The following IARS1 variants were observed in gnomAD, a reference collection of about 807,000 sequenced individuals.
IARS1 encodes isoleucyl-tRNA synthetase 1.
Under a neutral mutation model 168.2 loss-of-function variants are expected in IARS1, and 124 were observed. The observed-to-expected ratio is 0.74, with a 90% CI of 0.64 to 0.86. The LOEUF (loss-of-function observed/expected upper bound fraction) is 0.86, where lower values mean the gene tolerates loss of function less well. Ranked by LOEUF, IARS1 falls within the 40% of genes least tolerant of loss-of-function variation. The pLI is 0.00. For synonymous variants in IARS1, 532 were observed against 529.4 expected, an observed-to-expected ratio of 1.00 and a Z score of -0.07; for missense variants, 1,452 against 1,515.8, an observed-to-expected ratio of 0.96 and a Z score of 0.70.
chr9:92,229,912 C>G (rs996355671), intron 30 of IARS1, among the ~76,000 whole-genome samples: 5 of 152,158 alleles, frequency 3.3e-5, no homozygotes, highest in African/African-American at 1.2e-4. Flanking sequence ...CATTAAGATA[C>G]AGAGTAGTTC....
intron 33 of IARS1, 139 bp from the exon 34 acceptor site, chr9:92,211,028 G>A (rs1249961960): frequency 3.2e-6 from 2 of 621,010 alleles, no homozygotes; most frequent in Non-Finnish European, 5.8e-6. Flanking sequence ...AGCTCCTGAG[G>A]TGAACCTCTA....
chr9:92,268,396 G>A (rs1161543622), intron 13 of IARS1, 96 bp from the exon 14 acceptor site: 3 of 1,238,864 alleles, frequency 2.4e-6, no homozygotes, highest in African/African-American at 1.5e-5. Context: ...ACGCTTTGTG[G>A]ACCAAACACT....
chr9:92,216,174 G>A (rs1253532344), intron 33 of IARS1, among the ~76,000 whole-genome samples: 1 of 150,858 alleles, frequency 6.6e-6, no homozygotes, highest in South Asian at 2.1e-4. Context: ...GCCAAACTAA[G>A]CTTCATAAGA....
intron 8 of IARS1, 38 bp downstream of exon 8, chr9:92,278,161 C>G: frequency 1.6e-6 from 2 of 1,259,380 alleles, no homozygotes; most frequent in Non-Finnish European, 2.3e-6. Context: ...CATACAGACA[C>G]ATGCACACAA....
At chr9:92,280,163 A>C (rs1358558285) in intron 7 of IARS1, among the ~76,000 whole-genome samples, 1 of 152,234 alleles carries the variant, frequency 6.6e-6, no homozygotes, top group Non-Finnish European at 1.5e-5. Context: ...CTCAGAAGTG[A>C]AATTGCTGGG....
intron 30 of IARS1, among the ~76,000 whole-genome samples, chr9:92,235,036 C>T (rs1827279541): frequency 6.6e-6 from 1 of 152,168 alleles, no homozygotes; most frequent in Non-Finnish European, 1.5e-5. Flanking sequence ...AGGGTTTCAC[C>T]ATGTTGGCCG....
chr9:92,282,860 A>ATATAT (rs1230782830), intron 6 of IARS1, among the ~76,000 whole-genome samples: 3 of 132,856 alleles, frequency 2.3e-5, no homozygotes, highest in African/African-American at 8.7e-5. Context: ...ATATATATAT[A>ATATAT]TTTTTTTTTT....
intron 33 of IARS1, among the ~76,000 whole-genome samples, chr9:92,212,403 A>C (rs1837907801): frequency 6.6e-6 from 1 of 152,246 alleles, no homozygotes; most frequent in Admixed American, 6.5e-5. Flanking sequence ...CTCACCCACT[A>C]AACTTTTGCC....
intron 5 of IARS1, chr9:92,286,094 GC>G (rs1835409591): frequency 5.2e-6 from 2 of 383,392 alleles, no homozygotes; most frequent in Non-Finnish European, 9.6e-6. Flanking sequence ...CAGGCTGGGC[GC>G]AGTGGCTCAC....
rs527510549 is a variant in IARS1 at position 92,222,545 on chromosome 9, C to T, written c.3681G>A (p.Leu1227=). 25 of 1,613,864 alleles carry T rather than the reference C, an allele frequency of 1.5e-5. No individual in the cohort carries two copies. The highest frequency in any genetic ancestry group is 1.0e-4 in the Admixed American group (6 of 59,958). ...CCTGCGTTTGGGTCTCATTCAGAAA[C>T]AGCTTTAGCTTCCTGCTCCGAAGGC... ...VFGLRSRKLK[L]FLNETQTQEI... is the part of the protein sequence containing the mutation. The change falls in exon 33 of 34, where the codon CTG becomes CTA. Residue 1227 remains leucine (L), a synonymous_variant. Coordinates refer to ENST00000443024, the MANE Select transcript of IARS1 (RefSeq NM_002161.6).
Position 92,262,930 on chromosome 9 carries a change from G to T in IARS1, c.1787+39C>A, listed in dbSNP as rs751024064. 19 of 1,446,542 alleles carry T rather than the reference G, an allele frequency of 1.3e-5. No individual in the cohort carries two copies. The African/African-American group carries it at 2.7e-4, about 20-fold the overall frequency. The allele number at this position is 1,446,542 out of a possible 1,614,324, so 89.6% of individuals were successfully genotyped here. On this transcript the variant is annotated intron_variant, in intron 17 of 33. Coordinates refer to ENST00000443024, the MANE Select transcript of IARS1 (RefSeq NM_002161.6). ...GCACTCCTTCTTAAGAAACAGTGGA[G>T]ACAAAGTTCCACCCGTCACTACAAC... is the stretch of plus-strand genomic sequence containing the variant.
chr9:92,230,566 A>T (rs747392319), intron 30 of IARS1, among the ~76,000 whole-genome samples: 12 of 152,188 alleles, frequency 7.9e-5, no homozygotes, highest in Non-Finnish European at 1.8e-4. Context: ...TGGTGCTATT[A>T]TGAATATAAG....
chr9:92,241,205 A>G (rs1564166400), intron 29 of IARS1, among the ~76,000 whole-genome samples: 2 of 152,246 alleles, frequency 1.3e-5, no homozygotes, highest in African/African-American at 4.8e-5. Flanking sequence ...AATATGCAAA[A>G]TACAAAATGA....
At chr9:92,271,765 T>G in intron 10 of IARS1, 110 bp from the exon 11 acceptor site, 1 of 1,217,764 alleles carries the variant, frequency 8.2e-7, no homozygotes, top group South Asian at 1.4e-5. Context: ...ATACATTTCA[T>G]CAACTTTGTC....
chr9:92,286,039 GAT>G lies in IARS1; in HGVS notation c.480-202_480-201del, dbSNP rs1407456928. On this transcript the variant is annotated intron_variant, in intron 5 of 33. Coordinates refer to ENST00000443024, the MANE Select transcript of IARS1 (RefSeq NM_002161.6). ...AGACATTAAAATGCTAATATCTACT[GAT>G]ATCGAATGATATTTAACACATAATG... is the stretch of plus-strand genomic sequence containing the variant. 8.0e-6 allele frequency: 4 copies of G among 500,914 alleles called. No homozygotes were observed. In the Admixed American group the frequency reaches 1.3e-4, roughly 16 times the overall value. 31.0% of individuals were successfully genotyped at this position (500,914 alleles called of 1,614,324 possible).
intron 17 of IARS1, among the ~76,000 whole-genome samples, chr9:92,262,276 G>A (rs925670544): frequency 3.9e-5 from 6 of 152,058 alleles, no homozygotes; most frequent in Non-Finnish European, 5.9e-5. Flanking sequence ...ACACAGTGGG[G>A]CCTGGCAAAA....
intron 28 of IARS1, 28 bp downstream of exon 28, chr9:92,243,188 G>A: frequency 6.4e-7 from 1 of 1,563,002 alleles, no homozygotes; most frequent in South Asian, 1.1e-5. Flanking sequence ...AGCCAAAACA[G>A]TAGCTTATTC....
chr9:92,249,545 G>A (rs915973338), intron 25 of IARS1, among the ~76,000 whole-genome samples: 1 of 151,808 alleles, frequency 6.6e-6, no homozygotes, highest in Admixed American at 6.6e-5. Flanking sequence ...AGACTCTGTC[G>A]AAAGAAAAGA....
chr9:92,284,250 A>T (rs900747831), intron 6 of IARS1, among the ~76,000 whole-genome samples: 1 of 152,256 alleles, frequency 6.6e-6, no homozygotes, highest in Non-Finnish European at 1.5e-5. Flanking sequence ...TAACATGGCA[A>T]TGTTTAAAGA....
Sources: allele counts gnomAD v4.1 joint callset (sites outside exome capture counted in the v4.1 genomes callset), GRCh38; gene constraint gnomAD v4.1.1; transcripts MANE v1.5; gene names NCBI Gene and HGNC (gene_info 2026-07-23, HGNC 2026-07-21).